MAP7: variants seen among roughly 807,000 people sequenced by gnomAD.
The protein encoded by MAP7 is ensconsin.
Under a neutral mutation model 94.8 loss-of-function variants are expected in MAP7, and 52 were observed. The ratio of observed to expected loss-of-function variants is 0.55; its 90% CI spans 0.44 to 0.69. The LOEUF is 0.69. Ranked by LOEUF, MAP7 falls within the 30% of genes least tolerant of loss-of-function variation. The pLI is 0.00. For missense variants in MAP7, 940 were observed against 964.6 expected (o/e 0.97, Z 0.34); for synonymous variants, 350 against 357.0 (o/e 0.98, Z 0.22).
intron 17 of MAP7, among the ~76,000 whole-genome samples, chr6:136,344,993 A>G (rs1043669222): frequency 2.6e-5 from 4 of 152,230 alleles, no homozygotes; most frequent in Admixed American, 6.5e-5. Context: ...TTGTAGAAAT[A>G]TAAAGAGATG....
intron 3 of MAP7, among the ~76,000 whole-genome samples, chr6:136,390,427 C>T (rs994940890): frequency 1.3e-5 from 2 of 152,008 alleles, no homozygotes; most frequent in Non-Finnish European, 2.9e-5. Context: ...CTGAGGGGGG[C>T]AGATCACTGG....
At chr6:136,392,716 G>A (rs1162108872) in intron 3 of MAP7, among the ~76,000 whole-genome samples, 1 of 152,118 alleles carries the variant, frequency 6.6e-6, no homozygotes, top group South Asian at 2.1e-4. Context: ...CCTCTGTGGA[G>A]GTCATACCAA....
intron 16 of MAP7, among the ~76,000 whole-genome samples, chr6:136,350,027 T>C (rs529121331): frequency 2.2e-4 from 33 of 152,310 alleles, no homozygotes; most frequent in African/African-American, 7.7e-4. Context: ...TATTTACGAA[T>C]ATATTAGGTA....
chr6:136,513,432 T>C (rs543329564), intron 1 of MAP7, among the ~76,000 whole-genome samples: 2 of 152,366 alleles, frequency 1.3e-5, no homozygotes, highest in Non-Finnish European at 2.9e-5. Flanking sequence ...AAGAAACTAA[T>C]CTGTTCAAGT....
intron 1 of MAP7, among the ~76,000 whole-genome samples, chr6:136,528,590 G>C (rs551217644): frequency 2.0e-5 from 3 of 152,322 alleles, no homozygotes; most frequent in Non-Finnish European, 4.4e-5. Flanking sequence ...AAGCATACTT[G>C]AAACTACCTT....
chr6:136,411,340 C>T (rs554366637), intron 3 of MAP7, among the ~76,000 whole-genome samples: 3 of 152,276 alleles, frequency 2.0e-5, no homozygotes, highest in East Asian at 3.9e-4. Flanking sequence ...TTACTGTCCT[C>T]GCATTTTCTC....
At chr6:136,522,701 T>C (rs1304407770) in intron 1 of MAP7, among the ~76,000 whole-genome samples, 1 of 152,212 alleles carries the variant, frequency 6.6e-6, no homozygotes, top group African/African-American at 2.4e-5. Context: ...AAACTGTATG[T>C]CATCTTGCTA....
At chr6:136,357,075 C>CACT (rs1367422612) in intron 15 of MAP7, among the ~76,000 whole-genome samples, 2 of 152,310 alleles carry the variant, frequency 1.3e-5, no homozygotes, top group African/African-American at 4.8e-5. Flanking sequence ...TTTTTCCTTG[C>CACT]ACTAAAGTTA....
intron 1 of MAP7, among the ~76,000 whole-genome samples, chr6:136,491,135 T>A (rs1816462316): frequency 6.6e-6 from 1 of 152,236 alleles, no homozygotes; most frequent in South Asian, 2.1e-4. Context: ...TCACAGACTA[T>A]TAAACCTGTT....
At position 136,399,293 on chromosome 6, in the gene MAP7, T is replaced by C. The variant is rs572684838; in HGVS notation, c.245-9776A>G. ...CTTCCAACTAACTCCCATGACTTGA[T>C]TTTTTTGTTTTTACCTTTGAGGACA... On this transcript the variant is annotated intron_variant, in intron 3 of 17. Coordinates refer to ENST00000354570, the MANE Select transcript of MAP7 (RefSeq NM_003980.6). 1.4e-4 allele frequency among the ~76,000 whole-genome samples: 21 copies of C among 152,314 alleles called. No homozygotes were observed. In the South Asian group the frequency reaches 4.1e-3, roughly 30 times the overall value.
rs11347286 is a variant in MAP7 at position 136,392,388 on chromosome 6, C to CTT, written c.245-2873_245-2872dup. Reference sequence around the variant, plus strand: ...GCCACCGCACCCAGCCTGCATCTTGCTTTTTTTTTTTTTTTTTTTTTTACT... The same window carrying CTT: ...GCCACCGCACCCAGCCTGCATCTTGCTTTTTTTTTTTTTTTTTTTTTTTTACT... On this transcript the variant is annotated intron_variant, in intron 3 of 17. Transcript: ENST00000354570. Among the ~76,000 whole-genome samples the CTT allele has an allele frequency of 2.6e-3, 268 of 102,590 alleles. 1 individual carries two copies. Among genetic ancestry groups the CTT allele is most frequent in the African/African-American group, 9.1e-3 (247 of 27,022 alleles). The allele number at this position is 102,590 out of a possible 152,430, so 67.3% of individuals were successfully genotyped here.
At chr6:136,476,470 A>T (rs541007811) in intron 1 of MAP7, among the ~76,000 whole-genome samples, 1 of 152,356 alleles carries the variant, frequency 6.6e-6, no homozygotes, top group Admixed American at 6.5e-5. Context: ...TGAAAACTTT[A>T]TAAAAATATA....
intron 1 of MAP7, among the ~76,000 whole-genome samples, chr6:136,534,340 T>G (rs756999965): frequency 2.0e-5 from 3 of 152,212 alleles, no homozygotes; most frequent in Non-Finnish European, 4.4e-5. Flanking sequence ...TCTTCTTCTT[T>G]CCCAGGCCTT....
intron 1 of MAP7, among the ~76,000 whole-genome samples, chr6:136,533,062 C>T (rs772114370): frequency 1.8e-4 from 27 of 152,146 alleles, no homozygotes; most frequent in Non-Finnish European, 2.6e-4. Context: ...CACCTGAGGT[C>T]GGGAGTTCGG....
At chr6:136,466,909 T>G (rs947094707) in intron 1 of MAP7, 4 of 1,483,892 alleles carry the variant, frequency 2.7e-6, no homozygotes, top group African/African-American at 1.4e-5. Context: ...CTAACTATTA[T>G]CTCTCACACA....
chr6:136,531,003 T>C (rs1273479580), intron 1 of MAP7, among the ~76,000 whole-genome samples: 1 of 144,778 alleles, frequency 6.9e-6, no homozygotes, highest in Non-Finnish European at 1.5e-5. Context: ...TTTATACAAA[T>C]GTAAGGTGTG....
At position 136,372,733 on chromosome 6, in the gene MAP7, C is replaced by T. The variant is rs923260028; in HGVS notation, c.752-108G>A. 4 of 1,402,388 alleles carry T rather than the reference C, an allele frequency of 2.9e-6. No homozygotes were observed. The African/African-American group carries it at 5.7e-5, about 20-fold the overall frequency. The allele number at this position is 1,402,388 out of a possible 1,614,324, so 86.9% of individuals were successfully genotyped here. On this transcript the variant is annotated intron_variant, in intron 7 of 17. Transcript: ENST00000354570. ...CCAAAAGCAGGTTCAGGAAAAGGAG[C>T]AAAGCAGAGATAGAGAGAAAAGTAG...
chr6:136,443,926 C>A (rs1380560336), intron 1 of MAP7, among the ~76,000 whole-genome samples: 2 of 152,138 alleles, frequency 1.3e-5, no homozygotes, highest in Non-Finnish European at 2.9e-5. Flanking sequence ...TTGCTTCATG[C>A]AAGTGAAAAG....
intron 3 of MAP7, among the ~76,000 whole-genome samples, chr6:136,394,876 A>G (rs1419882943): frequency 5.2e-5 from 7 of 134,824 alleles, no homozygotes; most frequent in African/African-American, 1.9e-4. Context: ...AGTTTTATCC[A>G]TGTTGTTGTA....
Sources: gnomAD v4.1 joint callset for allele counts (sites outside exome capture counted in the v4.1 genomes callset) on GRCh38, gnomAD v4.1.1 for gene constraint, MANE v1.5 for transcripts, NCBI Gene and HGNC (gene_info 2026-07-23, HGNC 2026-07-21) for gene names.